CCDC192: variants seen among roughly 807,000 people sequenced by gnomAD.
The protein encoded by CCDC192 is coiled-coil domain-containing protein 192.
intron 2 of CCDC192, among the ~76,000 whole-genome samples, chr5:127,746,965 A>G (rs1442831591): frequency 2.6e-5 from 4 of 152,106 alleles, no homozygotes; most frequent in African/African-American, 7.2e-5. Flanking sequence ...GCTCTATTGT[A>G]TCATCAGGAA....
At chr5:127,831,404 G>A (rs1056210534) in intron 5 of CCDC192, among the ~76,000 whole-genome samples, 5 of 152,000 alleles carry the variant, frequency 3.3e-5, no homozygotes, top group African/African-American at 7.2e-5. Context: ...ATCTGTGTGT[G>A]TGCATGCACA....
At chr5:127,758,626 G>A (rs1032713626) in intron 3 of CCDC192, among the ~76,000 whole-genome samples, 1 of 152,042 alleles carries the variant, frequency 6.6e-6, no homozygotes, top group Non-Finnish European at 1.5e-5. Flanking sequence ...ATACTTTATT[G>A]TATTTCCCAT....
intron 2 of CCDC192, among the ~76,000 whole-genome samples, chr5:127,753,416 G>A (rs1229531770): frequency 1.3e-5 from 2 of 152,126 alleles, no homozygotes; most frequent in Non-Finnish European, 2.9e-5. Flanking sequence ...AACATTTTGA[G>A]TCCAGGCGCA....
At chr5:127,723,480 G>C (rs1240717425) in intron 2 of CCDC192, among the ~76,000 whole-genome samples, 1 of 152,152 alleles carries the variant, frequency 6.6e-6, no homozygotes, top group Non-Finnish European at 1.5e-5. Context: ...CTAGGTAGGA[G>C]TTCTAGTACT....
chr5:127,736,570 T>A (rs1753009762), intron 2 of CCDC192, among the ~76,000 whole-genome samples: 1 of 151,946 alleles, frequency 6.6e-6, no homozygotes, highest in African/African-American at 2.4e-5. Context: ...GGACTCTTTT[T>A]GGTTGGTAAG....
intron 6 of CCDC192, among the ~76,000 whole-genome samples, chr5:127,901,463 A>T (rs900443074): frequency 6.6e-6 from 1 of 152,182 alleles, no homozygotes; most frequent in African/African-American, 2.4e-5. Context: ...ACAGGATTAG[A>T]CTGGTTTAGA....
intron 2 of CCDC192, among the ~76,000 whole-genome samples, chr5:127,752,245 T>C (rs1310846395): frequency 4.6e-5 from 7 of 152,240 alleles, no homozygotes; most frequent in Non-Finnish European, 1.0e-4. Flanking sequence ...TTTGTGGTTT[T>C]ATCTACTTTT....
chr5:127,725,849 C>T (rs1352260990), intron 2 of CCDC192, among the ~76,000 whole-genome samples: 1 of 152,170 alleles, frequency 6.6e-6, no homozygotes, highest in Non-Finnish European at 1.5e-5. Flanking sequence ...CATGGCGTCT[C>T]CTCTTCTATA....
At chr5:127,776,386 T>C (rs2126922001) in intron 3 of CCDC192, among the ~76,000 whole-genome samples, 1 of 152,314 alleles carries the variant, frequency 6.6e-6, no homozygotes, top group African/African-American at 2.4e-5. Flanking sequence ...AGAAGAAATT[T>C]CTAAGCGGCA....
intron 5 of CCDC192, among the ~76,000 whole-genome samples, chr5:127,814,622 GT>G (rs1184309328): frequency 6.6e-6 from 1 of 152,190 alleles, no homozygotes; most frequent in African/African-American, 2.4e-5. Flanking sequence ...AAAAGACTCA[GT>G]AACATTTTGG....
chr5:127,725,620 A>G (rs896344650), intron 2 of CCDC192, among the ~76,000 whole-genome samples: 1 of 152,182 alleles, frequency 6.6e-6, no homozygotes, highest in Non-Finnish European at 1.5e-5. Context: ...CAAACTAACC[A>G]TATTTTAAGT....
chr5:127,816,042 A>G (rs981696477), intron 5 of CCDC192, among the ~76,000 whole-genome samples: 3 of 152,190 alleles, frequency 2.0e-5, no homozygotes, highest in Non-Finnish European at 2.9e-5. Context: ...AGATAAAGCT[A>G]TTAGACAATG....
intron 5 of CCDC192, among the ~76,000 whole-genome samples, chr5:127,807,589 C>T (rs1757860120): frequency 6.6e-6 from 1 of 152,070 alleles, no homozygotes; most frequent in Admixed American, 6.6e-5. Flanking sequence ...GTCCTTCAGT[C>T]AATCAAAGGA....
intron 3 of CCDC192, among the ~76,000 whole-genome samples, chr5:127,777,016 A>G (rs1365910452): frequency 6.6e-6 from 1 of 152,214 alleles, no homozygotes; most frequent in East Asian, 1.9e-4. Context: ...GCCCCCACAC[A>G]GAGTCTTCAC....
intron 3 of CCDC192, among the ~76,000 whole-genome samples, chr5:127,766,722 TC>T (rs1233807604): frequency 6.6e-6 from 1 of 151,840 alleles, no homozygotes; most frequent in African/African-American, 2.4e-5. Flanking sequence ...GACTGCTGCT[TC>T]ATCCTGCCAC....
At chr5:127,813,105 GC>G (rs1758171741) in intron 5 of CCDC192, among the ~76,000 whole-genome samples, 1 of 152,222 alleles carries the variant, frequency 6.6e-6, no homozygotes, top group Non-Finnish European at 1.5e-5. Flanking sequence ...TAGAGTGGGA[GC>G]CCGTGCAGGG....
intron 2 of CCDC192, among the ~76,000 whole-genome samples, chr5:127,727,073 C>T (rs765840252): frequency 6.6e-6 from 1 of 152,208 alleles, no homozygotes; most frequent in Non-Finnish European, 1.5e-5. Flanking sequence ...GTTCTGCAGC[C>T]TCCTCTGGTG....
At chr5:127,810,846 G>T (rs975506525) in intron 5 of CCDC192, among the ~76,000 whole-genome samples, 10 of 152,262 alleles carry the variant, frequency 6.6e-5, no homozygotes, top group African/African-American at 2.4e-4. Context: ...AGGAAGGGTG[G>T]TCCTCTCTCC....
chr5:127,738,845 A>G (rs561537193), intron 2 of CCDC192, among the ~76,000 whole-genome samples: 1 of 152,002 alleles, frequency 6.6e-6, no homozygotes, highest in African/African-American at 2.4e-5. Context: ...AATTTTTTTC[A>G]GTTTTCAACT....
Sources: allele counts gnomAD v4.1 joint callset (sites outside exome capture counted in the v4.1 genomes callset), GRCh38; gene constraint gnomAD v4.1.1; transcripts MANE v1.5; gene names NCBI Gene and HGNC (gene_info 2026-07-23, HGNC 2026-07-21).